The following KIF13A variants were observed in gnomAD, a reference collection of about 807,000 sequenced individuals.
KIF13A encodes the protein kinesin family member 13A.
In KIF13A, 79 loss-of-function variants were observed where a neutral mutation model predicts 212.2. The observed-to-expected ratio is 0.37, with a 90% CI of 0.31 to 0.45. The LOEUF (loss-of-function observed/expected upper bound fraction) is 0.45, where lower values mean the gene tolerates loss of function less well. Among genes scored for constraint, KIF13A ranks in the 20% least tolerant of loss-of-function variants. KIF13A has a pLI of 1.00. For missense variants in KIF13A, 1,901 were observed against 2,209.0 expected, an observed-to-expected ratio of 0.86 and a Z score of 2.79; for synonymous variants, 789 against 808.6, an observed-to-expected ratio of 0.98 and a Z score of 0.41.
chr6:17,796,592 A>T, intron 23 of KIF13A, 77 bp downstream of exon 23: 2 of 959,558 alleles, frequency 2.1e-6, no homozygotes, highest in Non-Finnish European at 2.8e-6. Context: ...GCAGCCTCCT[A>T]GGCCAGAGTA....
chr6:17,878,999 T>C (rs1240616833), intron 3 of KIF13A, among the ~76,000 whole-genome samples: 1 of 152,176 alleles, frequency 6.6e-6, no homozygotes, highest in African/African-American at 2.4e-5. Context: ...GGAGTATAGG[T>C]TGTTATTTTA....
At chr6:17,880,090 G>C (rs1323345109) in intron 3 of KIF13A, among the ~76,000 whole-genome samples, 1 of 152,032 alleles carries the variant, frequency 6.6e-6, no homozygotes, top group Non-Finnish European at 1.5e-5. Context: ...AGAGTAGCTG[G>C]GACTACAGGC....
rs1162682525 is a variant in KIF13A at position 17,982,301 on chromosome 6, T to C, written c.146+4753A>G. 1 of 256,420 alleles carries C rather than the reference T, an allele frequency of 3.9e-6. No homozygotes were observed. Among genetic ancestry groups the C allele is most frequent in the African/African-American group, 2.3e-5 (1 of 43,012 alleles). The allele number at this position is 256,420 out of a possible 1,614,324, so 15.9% of individuals were successfully genotyped here. ...TTAGTGGAGACAGGGTTTCACCATG[T>C]TGGCCAGGCTGGTCTCGAACTCCTG... On this transcript the variant is annotated intron_variant, in intron 2 of 38. Coordinates refer to ENST00000259711, the MANE Select transcript of KIF13A (RefSeq NM_022113.6). The surrounding 1 kb of genome is among the most constrained non-coding windows in gnomAD (Gnocchi z 5.1).
In KIF13A at chr6:17,773,422, A is replaced by T; in HGVS notation, c.4324+56T>A. On this transcript the variant is annotated intron_variant, in intron 36 of 38. Transcript: ENST00000259711. The surrounding 1 kb of genome is among the most constrained non-coding windows in gnomAD (Gnocchi z 4.2). The stretch of plus-strand genomic sequence containing the variant: ...TGCCATTAATGAAAGACATTTTTTC[A>T]TACTTTTTCTAAGTAATTACAAAGA... 4 of 1,014,074 alleles carry T rather than the reference A, an allele frequency of 3.9e-6. No homozygotes were observed. The highest frequency in any genetic ancestry group is 3.7e-5 in the Admixed American group (2 of 54,166). The allele number at this position is 1,014,074 out of a possible 1,614,324, so 62.8% of individuals were successfully genotyped here.
rs973150497 is a variant in KIF13A at position 17,907,394 on chromosome 6, T to C, written c.147-9214A>G. ...TCTTTCAGCTTAGGCTAGGTATTGA[T>C]TGGATAGCAATCCATGTGGATGTTC... On this transcript the variant is annotated intron_variant, in intron 2 of 38. Transcript: ENST00000259711. 3.9e-5 allele frequency among the ~76,000 whole-genome samples: 6 copies of C among 152,182 alleles called. No homozygotes were observed. In the East Asian group the frequency reaches 5.8e-4, roughly 15 times the overall value.
chr6:17,930,764 A>T (rs1775917092), intron 2 of KIF13A, among the ~76,000 whole-genome samples: 1 of 152,202 alleles, frequency 6.6e-6, no homozygotes, highest in Non-Finnish European at 1.5e-5. Context: ...AGAGGATTTT[A>T]ACACGCTTCT....
At chr6:17,806,190 G>A (rs1762934566) in intron 18 of KIF13A, among the ~76,000 whole-genome samples, 1 of 152,070 alleles carries the variant, frequency 6.6e-6, no homozygotes, top group Non-Finnish European at 1.5e-5. Context: ...ACCTTGGCCT[G>A]CCAAAGTGCT....
intron 2 of KIF13A, among the ~76,000 whole-genome samples, chr6:17,954,879 A>C (rs1379703543): frequency 6.6e-6 from 1 of 152,126 alleles, no homozygotes; most frequent in Non-Finnish European, 1.5e-5. Flanking sequence ...GGGTCTTGCT[A>C]TGTTGTCCAA....
At chr6:17,938,785 TG>T (rs1298622380) in intron 2 of KIF13A, among the ~76,000 whole-genome samples, 1 of 151,602 alleles carries the variant, frequency 6.6e-6, no homozygotes, top group Admixed American at 6.6e-5. Flanking sequence ...AACTTGGAAC[TG>T]AAAGTCTTTA....
intron 2 of KIF13A, among the ~76,000 whole-genome samples, chr6:17,976,145 C>T (rs1780431969): frequency 6.6e-6 from 1 of 152,260 alleles, no homozygotes; most frequent in South Asian, 2.1e-4. Context: ...GTGGATCCCG[C>T]ACCGGGGCTG....
At position 17,850,258 on chromosome 6, in the gene KIF13A, T is replaced by C. The variant is rs1457115535; in HGVS notation, c.717+65A>G. 10 of 1,481,950 alleles carry C rather than the reference T, an allele frequency of 6.7e-6. No individual in the cohort carries two copies. In the East Asian group the frequency reaches 2.3e-4, roughly 35 times the overall value. The allele number at this position is 1,481,950 out of a possible 1,614,324, so 91.8% of individuals were successfully genotyped here. Reference sequence around the variant, plus strand: ...CCACTGAACCCAACCATGAAAGACTTTACCTATATGGACACTTTCAGTTCT... The same window carrying C: ...CCACTGAACCCAACCATGAAAGACTCTACCTATATGGACACTTTCAGTTCT... On this transcript the variant is annotated intron_variant, in intron 8 of 38. Transcript: ENST00000259711. The surrounding 1 kb of genome is among the most constrained non-coding windows in gnomAD (Gnocchi z 6.2).
intron 4 of KIF13A, among the ~76,000 whole-genome samples, chr6:17,866,834 T>TGC (rs1769433505): frequency 1.1e-4 from 1 of 9,036 alleles, no homozygotes; most frequent in Non-Finnish European, 3.0e-4. Flanking sequence ...AGCGCATATA[T>TGC]ATATATATAT....
In KIF13A at chr6:17,987,217, C is replaced by G; in HGVS notation, c.56-73G>C. On this transcript the variant is annotated intron_variant, in intron 1 of 38. Transcript: ENST00000259711. The surrounding 1 kb of genome is among the most constrained non-coding windows in gnomAD (Gnocchi z 7.7). ...CCAGCCCGCCCGCCCGCCAGCCGCG[C>G]CGAGCGGGGCTCCGTCCCTGGAGGC... The G allele has an allele frequency of 7.6e-7, 1 of 1,315,684 alleles. No homozygotes were observed. The highest frequency in any genetic ancestry group is 1.1e-6 in the Non-Finnish European group (1 of 949,998). The allele number at this position is 1,315,684 out of a possible 1,614,324, so 81.5% of individuals were successfully genotyped here. A position where few individuals can be genotyped will look rare whatever the true frequency, so the allele number is the denominator to read the frequency against.
chr6:17,981,465 G>A (rs538659090), intron 2 of KIF13A, among the ~76,000 whole-genome samples: 3 of 136,988 alleles, frequency 2.2e-5, no homozygotes, highest in Non-Finnish European at 3.0e-5. Flanking sequence ...TCGCTCTGTC[G>A]CCAGGCTGGA....
rs1225587802 is a variant in KIF13A at position 17,797,568 on chromosome 6, G to T, written c.2791-748C>A. ...GTTATCTTCATGACTTTATGCTCTT[G>T]CTCTTAAGCTTTCCTACCCTATTTC... On this transcript the variant is annotated intron_variant, in intron 22 of 38. Transcript: ENST00000259711. Among the ~76,000 whole-genome samples, 3 of 152,214 alleles carry T rather than the reference G, an allele frequency of 2.0e-5. No individual in the cohort carries two copies. The South Asian group carries it at 6.2e-4, about 32-fold the overall frequency.
At chr6:17,800,953 C>T (rs928323758) in intron 20 of KIF13A, among the ~76,000 whole-genome samples, 4 of 151,724 alleles carry the variant, frequency 2.6e-5, no homozygotes, top group Admixed American at 6.6e-5. Flanking sequence ...AGGCTGGTCT[C>T]GAACTCCTGA....
rs776156415 is a variant in KIF13A, at chr6:17,825,871, C to T, written c.1683G>A (p.Pro561=). The part of the protein sequence containing the change: ...WLKDFEKETG[P]PEHDLDAASE... Reference sequence around the variant, plus strand: ...TGGCTGCATCCAGGTCATGCTCTGGCGGGCCCGTTTCTTTTTCAAAGTCTT... The same window carrying T: ...TGGCTGCATCCAGGTCATGCTCTGGTGGGCCCGTTTCTTTTTCAAAGTCTT... Residue 561 remains proline (P), a synonymous_variant, in exon 16 of 39, where the codon CCG becomes CCA. Transcript: ENST00000259711. This position sits in a 1 kb window ranked among gnomAD's most constrained non-coding sequence, Gnocchi z 4.5. The T allele has an allele frequency of 9.3e-6, 15 of 1,613,794 alleles. No homozygotes were observed. The highest frequency in any genetic ancestry group is 5.3e-5 in the African/African-American group (4 of 74,888).
At chr6:17,770,361 A>ATTTTTTTTTTTGTTTTTTTTTTTT (rs1759382451) in intron 38 of KIF13A, 2 of 119,446 alleles carry the variant, frequency 1.7e-5, no homozygotes, top group Non-Finnish European at 3.5e-5. Flanking sequence ...AATAAACAGG[A>ATTTTTTTTTTTGTTTTTTTTTTTT]TTTTTTTTTT....
intron 9 of KIF13A, among the ~76,000 whole-genome samples, chr6:17,842,512 A>G (rs1766624474): frequency 6.6e-6 from 1 of 152,194 alleles, no homozygotes; most frequent in East Asian, 1.9e-4. Context: ...CTGTTTGCCA[A>G]TGTTAGTGGC....
Sources: gnomAD v4.1 joint callset for allele counts (sites outside exome capture counted in the v4.1 genomes callset) on GRCh38, gnomAD v4.1.1 for gene constraint, Gnocchi (gnomAD v3.1) non-coding constraint, MANE v1.5 for transcripts, NCBI Gene and HGNC (gene_info 2026-07-23, HGNC 2026-07-21) for gene names.